LARP4: variants seen among roughly 807,000 people sequenced by gnomAD.
The protein encoded by LARP4 is la-related protein 4.
LARP4 carries 29 observed loss-of-function variants against 92.9 expected under a neutral mutation model. The observed-to-expected ratio is 0.31, with a 90% CI of 0.23 to 0.43. LARP4 has a LOEUF of 0.43. Among genes scored for constraint, LARP4 ranks in the 20% least tolerant of loss-of-function variants. The pLI is 1.00. For synonymous variants in LARP4, 279 were observed against 284.1 expected (o/e 0.98, Z 0.18); for missense variants, 732 against 860.0 (o/e 0.85, Z 1.86).
intron 1 of LARP4, among the ~76,000 whole-genome samples, chr12:50,414,783 G>A (rs1946485703): frequency 6.6e-6 from 1 of 152,206 alleles, no homozygotes; most frequent in South Asian, 2.1e-4. Flanking sequence ...CACATTAAGA[G>A]ATAGACCATA....
intron 1 of LARP4, chr12:50,412,490 C>T (rs898216893): frequency 3.6e-5 from 30 of 823,802 alleles, no homozygotes; most frequent in African/African-American, 2.6e-4. Flanking sequence ...TCCGAAGAGA[C>T]GGTTTTACCA....
intron 1 of LARP4, among the ~76,000 whole-genome samples, chr12:50,426,179 G>T (rs1948678602): frequency 6.6e-6 from 1 of 152,150 alleles, no homozygotes; most frequent in Non-Finnish European, 1.5e-5. Context: ...TGAGGCTGCT[G>T]TCTCCTTCCC....
chr12:50,424,666 C>T (rs950158589), intron 1 of LARP4, among the ~76,000 whole-genome samples: 19 of 151,780 alleles, frequency 1.3e-4, no homozygotes, highest in African/African-American at 4.6e-4. Flanking sequence ...CCAACCCTGT[C>T]TTTAAAAATA....
At chr12:50,406,340 T>G (rs7304049) in intron 1 of LARP4, among the ~76,000 whole-genome samples, 22 of 71,764 alleles carry the variant, frequency 3.1e-4, no homozygotes, top group South Asian at 2.8e-3. Context: ...ATTTAAAAAA[T>G]TAGCCAGGCC....
chr12:50,427,878 A>C lies in LARP4; in HGVS notation c.135A>C (p.Glu45Asp). 6.3e-7 allele frequency: 1 copy of C among 1,599,112 alleles called. No homozygotes were observed. The highest frequency in any genetic ancestry group is 8.5e-7 in the Non-Finnish European group (1 of 1,169,918). The change falls in exon 2 of 16, where the codon GAA (glutamate) becomes GAC (aspartate). Residue 45 changes from glutamate to aspartate, a missense_variant. Coordinates refer to ENST00000398473, the MANE Select transcript of LARP4 (RefSeq NM_052879.5). ...ATGGAACTGAAAGCTCTTGGCATGA[A>C]ATAGCAGCTACATCAGGTGCTCATC... Reference protein sequence around the residue: ...VTHGTESSWHEIAATSGAHPE... With the variant: ...VTHGTESSWHDIAATSGAHPE...
intron 8 of LARP4, among the ~76,000 whole-genome samples, chr12:50,442,356 C>A (rs770980088): frequency 6.6e-5 from 10 of 152,188 alleles, no homozygotes; most frequent in South Asian, 2.1e-4. Flanking sequence ...ACTGATGACA[C>A]ATTTGATCCC....
At chr12:50,475,501 GT>G (rs534027226) in intron 15 of LARP4, 24 bp from the exon 16 acceptor site, 417 of 1,504,476 alleles carry the variant, frequency 2.8e-4, no homozygotes, top group Middle Eastern at 9.0e-4. Context: ...TACCATAAAT[GT>G]TTTTTTTTAT....
chr12:50,440,513 G>C lies in LARP4; in HGVS notation c.714G>C (p.Trp238Cys). Residue 238 changes from tryptophan (W) to cysteine (C), a missense_variant, in exon 7 of 16, where the codon TGG becomes TGC. This residue lies in a region of LARP4 where 236 missense variants were observed against 307.6 expected (regional missense o/e 0.77). Coordinates refer to ENST00000398473, the MANE Select transcript of LARP4 (RefSeq NM_052879.5). Reference protein sequence around the residue: ...ISCEFAHNSNWYITFQSDTDA... With the variant: ...ISCEFAHNSNCYITFQSDTDA... ...GTGAGTTTGCACACAATAGCAACTG[G>C]TATATCACTTTCCAGTCAGACACAG... 2 of 1,613,720 alleles carry C rather than the reference G, an allele frequency of 1.2e-6. No homozygotes were observed. The highest frequency in any genetic ancestry group is 1.7e-6 in the Non-Finnish European group (2 of 1,179,676).
chr12:50,425,977 C>G (rs1380607598), intron 1 of LARP4, among the ~76,000 whole-genome samples: 1 of 152,102 alleles, frequency 6.6e-6, no homozygotes, highest in Non-Finnish European at 1.5e-5. Flanking sequence ...TCCATAGTTA[C>G]CCACCCTAGT....
At chr12:50,466,481 TGTG>T (rs1371224226) in intron 12 of LARP4, among the ~76,000 whole-genome samples, 1 of 151,756 alleles carries the variant, frequency 6.6e-6, no homozygotes, top group African/African-American at 2.4e-5. Context: ...TTTAGCCAGG[TGTG>T]GTGGCGCGCA....
chr12:50,437,467 A>G (rs1950603125), intron 5 of LARP4, among the ~76,000 whole-genome samples: 1 of 152,160 alleles, frequency 6.6e-6, no homozygotes, highest in Admixed American at 6.6e-5. Context: ...TATATGTTGT[A>G]TGCTCCCTGA....
At chr12:50,453,289 T>A (rs1953608298) in intron 8 of LARP4, among the ~76,000 whole-genome samples, 171 bp from the exon 9 acceptor site, 1 of 152,056 alleles carries the variant, frequency 6.6e-6, no homozygotes, top group South Asian at 2.1e-4. Context: ...TGAAAACGTT[T>A]TTATTATTTA....
At chr12:50,452,437 C>T (rs1449113197) in intron 8 of LARP4, among the ~76,000 whole-genome samples, 1 of 152,132 alleles carries the variant, frequency 6.6e-6, no homozygotes, top group African/African-American at 2.4e-5. Flanking sequence ...CCGCCTCAAC[C>T]TCTCAAAGTG....
chr12:50,463,435 A>C (rs985803383), intron 12 of LARP4, among the ~76,000 whole-genome samples: 4 of 150,036 alleles, frequency 2.7e-5, no homozygotes, highest in African/African-American at 4.9e-5. Context: ...AAAAAAAAAA[A>C]AAAAAAAAAA....
At chr12:50,406,041 GTGAT>G (rs1944772706) in intron 1 of LARP4, among the ~76,000 whole-genome samples, 1 of 151,876 alleles carries the variant, frequency 6.6e-6, no homozygotes. Flanking sequence ...TTTTTGATTT[GTGAT>G]TGATTGCTCC....
chr12:50,401,703 C>A (rs1943882198), intron 1 of LARP4, among the ~76,000 whole-genome samples: 1 of 151,976 alleles, frequency 6.6e-6, no homozygotes, highest in Non-Finnish European at 1.5e-5. Flanking sequence ...TTCTATGAAC[C>A]GATTAAAAGC....
chr12:50,467,079 A>G lies in LARP4; in HGVS notation c.1504A>G (p.Asn502Asp), dbSNP rs755045538. 6.2e-7 allele frequency: 1 copy of G among 1,613,398 alleles called. No individual in the cohort carries two copies. The highest frequency in any genetic ancestry group is 8.5e-7 in the Non-Finnish European group (1 of 1,179,432). Residue 502 changes from asparagine (N) to aspartate (D), a missense_variant, in exon 13 of 16, where the codon AAT becomes GAT. Asn to Asp is a conservative substitution (Grantham distance 23, BLOSUM62 1). Transcript: ENST00000398473. The part of the protein sequence containing the change: ...SRMPGELVLE[N>D]RMSDVVKGVY... The stretch of plus-strand genomic sequence containing the variant: ...AATGCCAGGTGAACTCGTTTTGGAG[A>G]ATAGGATGTCTGATGTTGTTAAAGG...
At chr12:50,416,227 A>G (rs1396410227) in intron 1 of LARP4, 12 of 152,166 alleles carry the variant, frequency 7.9e-5, no homozygotes. Context: ...GTTATAATGG[A>G]TTTGAATCTT....
intron 1 of LARP4, chr12:50,420,947 C>CTTTTTTTTTTTTTTTTTT (rs71083567): frequency 4.5e-5 from 5 of 111,438 alleles, no homozygotes; most frequent in African/African-American, 1.7e-4. Context: ...ATAACCTTTG[C>CTTTTTTTTTTTTTTTTTT]TTTTTTTTTT....
Sources: gnomAD v4.1 joint callset for allele counts (sites outside exome capture counted in the v4.1 genomes callset) on GRCh38, gnomAD v4.1.1 for gene constraint, gnomAD v4.1.1 regional missense constraint, MANE v1.5 for transcripts, NCBI Gene and HGNC (gene_info 2026-07-23, HGNC 2026-07-21) for gene names.